The following CATSPERD variants were observed in gnomAD, a reference collection of about 807,000 sequenced individuals.
CATSPERD encodes cation channel sperm-associated auxiliary subunit delta.
Under a neutral mutation model 98.1 loss-of-function variants are expected in CATSPERD, and 86 were observed. That is an observed-to-expected ratio of 0.88 (90% confidence interval 0.74 to 1.05). The LOEUF (loss-of-function observed/expected upper bound fraction) is 1.05. CATSPERD is among the 50% of genes least tolerant of loss of function. The pLI, the probability that CATSPERD is intolerant of heterozygous loss-of-function variation, is 0.00. For missense variants in CATSPERD, 995 were observed against 1,005.7 expected (o/e 0.99, Z 0.14); for synonymous variants, 394 against 390.2 (o/e 1.01, Z -0.12).
At chr19:5,720,999 CTT>C (rs754682545) in intron 1 of CATSPERD, among the ~76,000 whole-genome samples, 191 bp downstream of exon 1, 29 of 138,698 alleles carry the variant, frequency 2.1e-4, no homozygotes, top group African/African-American at 3.8e-4. Flanking sequence ...TCTCCTACCT[CTT>C]TTTTTTTTTT....
intron 4 of CATSPERD, among the ~76,000 whole-genome samples, chr19:5,733,538 C>A (rs1568343981): frequency 6.6e-6 from 1 of 151,646 alleles, no homozygotes; most frequent in African/African-American, 2.4e-5. Context: ...CTCACTGCAA[C>A]CTCCACCTCC....
chr19:5,776,935 C>T lies in CATSPERD; in HGVS notation c.2096+620C>T, dbSNP rs117014582. ...CCAATCAATTTCATGTCAGTGGCTT[C>T]GAATCAGCCACAGTGGAAATATTTA... On this transcript the variant is annotated intron_variant, in intron 21 of 21. Coordinates refer to ENST00000381624, the MANE Select transcript of CATSPERD (RefSeq NM_152784.4). Among the ~76,000 whole-genome samples the T allele has an allele frequency of 2.0e-3, 304 of 151,950 alleles. 1 individual carries two copies. The East Asian group carries it at 0.04, about 20-fold the overall frequency.
intron 12 of CATSPERD, chr19:5,753,589 T>C (rs1163445946): frequency 5.6e-6 from 2 of 356,882 alleles, no homozygotes; most frequent in Admixed American, 3.5e-5. Flanking sequence ...CAGAAAGAGG[T>C]CAGGCGCAGT....
At chr19:5,762,973 A>G (rs950994625) in intron 15 of CATSPERD, among the ~76,000 whole-genome samples, 33 of 150,402 alleles carry the variant, frequency 2.2e-4, no homozygotes, top group African/African-American at 7.6e-4. Flanking sequence ...GGATGGATGG[A>G]TGGGTGGGTG....
At chr19:5,735,774 A>ATTTTTTTTTTTTTTTTT (rs34107835) in intron 5 of CATSPERD, among the ~76,000 whole-genome samples, 1 of 102,060 alleles carries the variant, frequency 9.8e-6, no homozygotes, top group African/African-American at 3.8e-5. Context: ...TGCCCGGCTA[A>ATTTTTTTTTTTTTTTTT]TTTTTTTTTT....
chr19:5,742,189 T>G (rs1568350637), intron 7 of CATSPERD, among the ~76,000 whole-genome samples: 1 of 149,480 alleles, frequency 6.7e-6, no homozygotes, highest in African/African-American at 2.5e-5. Context: ...TATGTGAACG[T>G]GTGTGCGTGT....
In CATSPERD at chr19:5,737,206, G is replaced by A. The variant is rs1787508109; in HGVS notation, c.459+1G>A. ...TTATACTGGAAGTTTGTTTTGTGTGGTAAGTATAAGTGTATAATTGTTCAT... is the reference window on the plus strand; with the variant it reads ...TTATACTGGAAGTTTGTTTTGTGTGATAAGTATAAGTGTATAATTGTTCAT... On this transcript the variant is annotated splice_donor_variant, in intron 6 of 21. Transcript: ENST00000381624. LOFTEE classifies it high-confidence loss of function. 1 of 1,590,622 alleles carries A rather than the reference G, an allele frequency of 6.3e-7. No individual in the cohort carries two copies. Among genetic ancestry groups the A allele is most frequent in the African/African-American group, 1.3e-5 (1 of 74,518 alleles).
At chr19:5,729,150 C>T (rs552948291) in intron 3 of CATSPERD, among the ~76,000 whole-genome samples, 3 of 151,682 alleles carry the variant, frequency 2.0e-5, no homozygotes, top group Non-Finnish European at 4.4e-5. Flanking sequence ...GGCTGGCGTG[C>T]AGTGGCATGA....
At chr19:5,768,622 C>T (rs1164119683) in intron 18 of CATSPERD, among the ~76,000 whole-genome samples, 1 of 151,632 alleles carries the variant, frequency 6.6e-6, no homozygotes, top group Non-Finnish European at 1.5e-5. Context: ...AGGCATGAGC[C>T]ACCGCGCCCG....
chr19:5,763,549 G>A (rs1029028869), intron 16 of CATSPERD, among the ~76,000 whole-genome samples: 3 of 152,300 alleles, frequency 2.0e-5, no homozygotes, highest in African/African-American at 7.2e-5. Flanking sequence ...AGCCAGGCAC[G>A]AAAGGACAAA....
In CATSPERD at chr19:5,745,903, T is replaced by C; in HGVS notation, c.658-10T>C. The C allele has an allele frequency of 6.2e-7, 1 of 1,613,884 alleles. No homozygotes were observed. Among genetic ancestry groups the C allele is most frequent in the Middle Eastern group, 1.7e-4 (1 of 5,996 alleles). ...TTGGGGAGAGGCTGAATGGTGTCTT[T>C]TTCTCCCAGGGCATGTTCAAGTACT... On this transcript the variant is annotated splice_polypyrimidine_tract_variant and intron_variant, in intron 8 of 21. Transcript: ENST00000381624.
At position 5,778,414 on chromosome 19, in the gene CATSPERD, A is replaced by G. The variant is rs2056770823; in HGVS notation, c.2135A>G (p.Tyr712Cys). 2 of 1,613,504 alleles carry G rather than the reference A, an allele frequency of 1.2e-6. No homozygotes were observed. The highest frequency in any genetic ancestry group is 1.3e-5 in the African/African-American group (1 of 74,896). ...QLETIFSIYV[Y>C]GAFPVQLVSA... ...GAGACCATCTTTAGCATCTACGTGT[A>G]TGGAGCATTCCCCGTGCAGCTGGTC... The change falls in exon 22 of 22, where the codon TAT becomes TGT. Residue 712 changes from tyrosine (Y) to cysteine (C), a missense_variant. Around this residue, in one of 3 missense-constraint regions of CATSPERD, gnomAD observed 762 missense variants for 773.7 expected, o/e 0.98. Coordinates refer to ENST00000381624, the MANE Select transcript of CATSPERD (RefSeq NM_152784.4).
intron 11 of CATSPERD, among the ~76,000 whole-genome samples, chr19:5,749,467 G>A (rs1278784399): frequency 6.6e-6 from 1 of 152,122 alleles, no homozygotes; most frequent in African/African-American, 2.4e-5. Context: ...AACAGAAAGT[G>A]GGGTTATGAA....
chr19:5,722,014 ACT>A (rs918199541), intron 1 of CATSPERD, among the ~76,000 whole-genome samples: 6 of 150,266 alleles, frequency 4.0e-5, no homozygotes, highest in African/African-American at 1.2e-4. Context: ...ATGGGGTCTC[ACT>A]GTTTTGCCCA....
chr19:5,772,966 G>GT lies in CATSPERD; in HGVS notation c.1941+2dup. ...GGGGCCCTTCTTCTGGAACAGAGAG[G>GT]TAACAGGACCCTAGGATCGTTTCCA... On this transcript the variant is annotated splice_donor_variant, in intron 20 of 21. Coordinates refer to ENST00000381624, the MANE Select transcript of CATSPERD (RefSeq NM_152784.4). LOFTEE classifies it high-confidence loss of function. The GT allele has an allele frequency of 6.2e-7, 1 of 1,613,408 alleles. No individual in the cohort carries two copies. Among genetic ancestry groups the GT allele is most frequent in the South Asian group, 1.1e-5 (1 of 91,028 alleles).
intron 15 of CATSPERD, among the ~76,000 whole-genome samples, chr19:5,762,352 C>G (rs2056457395): frequency 2.0e-5 from 3 of 151,996 alleles, no homozygotes; most frequent in South Asian, 4.1e-4. Flanking sequence ...GCATGACCCA[C>G]TGAGGCCAGC....
chr19:5,721,294 G>A (rs755996024), intron 1 of CATSPERD, among the ~76,000 whole-genome samples: 2 of 151,958 alleles, frequency 1.3e-5, no homozygotes, highest in Non-Finnish European at 2.9e-5. Flanking sequence ...GAGCCACCAC[G>A]CCGGGCCTAG....
intron 16 of CATSPERD, 129 bp downstream of exon 16, chr19:5,763,422 C>A: frequency 1.5e-6 from 1 of 665,862 alleles, no homozygotes; most frequent in Non-Finnish European, 2.6e-6. Flanking sequence ...GAGAGTGAAA[C>A]TCTGCCTCAA....
chr19:5,761,577 C>T (rs1043021209), intron 15 of CATSPERD, among the ~76,000 whole-genome samples: 2 of 152,258 alleles, frequency 1.3e-5, no homozygotes, highest in African/African-American at 4.8e-5. Context: ...ACAGGAAGCA[C>T]GACTTGGGGG....
Sources: gnomAD v4.1 joint callset for allele counts (sites outside exome capture counted in the v4.1 genomes callset) on GRCh38, gnomAD v4.1.1 for gene constraint, gnomAD v4.1.1 regional missense constraint, MANE v1.5 for transcripts, NCBI Gene and HGNC (gene_info 2026-07-23, HGNC 2026-07-21) for gene names.